Variants in PBX1 observed in about 807,000 individuals in gnomAD.
The protein encoded by PBX1 is PBX homeobox 1.
PBX1 carries 6 observed loss-of-function variants against 53.4 expected under a neutral mutation model. The ratio of observed to expected loss-of-function variants is 0.11; its 90% CI spans 0.06 to 0.22. PBX1 has a LOEUF of 0.22. Ranked by LOEUF, PBX1 falls within the 10% of genes least tolerant of loss-of-function variation. The probability of loss-of-function intolerance (pLI) is 1.00; values close to 1 mark genes in which losing one functional copy is unlikely to be tolerated. For missense variants in PBX1, 251 were observed against 551.4 expected (o/e 0.46, Z 5.46); for synonymous variants, 204 against 212.3 (o/e 0.96, Z 0.34).
At chr1:164,691,900 T>C (rs943532829) in intron 2 of PBX1, among the ~76,000 whole-genome samples, 1 of 152,152 alleles carries the variant, frequency 6.6e-6, no homozygotes, top group Non-Finnish European at 1.5e-5. Flanking sequence ...AGTCAAAGCA[T>C]AGTCAGAACT....
chr1:164,572,027 C>T (rs941114660), intron 2 of PBX1, among the ~76,000 whole-genome samples: 1 of 150,388 alleles, frequency 6.6e-6, no homozygotes, highest in Non-Finnish European at 1.5e-5. Flanking sequence ...CTGCCTCAGC[C>T]TCCTGAGTAG....
intron 2 of PBX1, among the ~76,000 whole-genome samples, chr1:164,861,222 G>A (rs143751248): frequency 4.1e-4 from 62 of 152,174 alleles, no homozygotes; most frequent in African/African-American, 1.5e-3. Flanking sequence ...GTCAAAAAAG[G>A]GGCACTGATA....
chr1:164,578,295 A>G (rs1218366854), intron 2 of PBX1, among the ~76,000 whole-genome samples: 3 of 152,222 alleles, frequency 2.0e-5, no homozygotes, highest in African/African-American at 7.2e-5. Context: ...ATATTTTTGA[A>G]TGCCCTATGT....
intron 2 of PBX1, chr1:164,700,321 C>A: frequency 3.1e-6 from 1 of 323,516 alleles, no homozygotes; most frequent in Non-Finnish European, 4.4e-6. Context: ...ACTCCCGTGG[C>A]TGTGTGAGAC....
intron 2 of PBX1, chr1:164,769,800 T>A (rs562419111): frequency 6.6e-6 from 1 of 152,322 alleles, no homozygotes; most frequent in African/African-American, 2.4e-5. Context: ...AAAAAGTCAG[T>A]GCTCATGTTG....
chr1:164,834,289 C>T (rs1194068126), intron 8 of PBX1, among the ~76,000 whole-genome samples: 1 of 151,572 alleles, frequency 6.6e-6, no homozygotes, highest in Admixed American at 6.6e-5. Flanking sequence ...TGTTCTTGAG[C>T]AGCTCTCTGT....
Position 164,704,839 on chromosome 1 carries a change from G to A in PBX1, c.266-87655G>A, listed in dbSNP as rs1663335994. On this transcript the variant is annotated intron_variant, in intron 2 of 8. Coordinates refer to ENST00000420696, the MANE Select transcript of PBX1 (RefSeq NM_002585.4). ...GCATTTCTCAGTGTGTGGGTATAAT[G>A]CAAGTACAAGTGTTAGGTTTTAAGA... Among the ~76,000 whole-genome samples, 3 of 152,162 alleles carry A rather than the reference G, an allele frequency of 2.0e-5. No homozygotes were observed. The South Asian group carries it at 6.2e-4, about 32-fold the overall frequency.
chr1:164,847,598 A>T lies in PBX1; in HGVS notation c.*922A>T. 9.4e-7 allele frequency: 1 copy of T among 1,062,688 alleles called. No individual in the cohort carries two copies. Among genetic ancestry groups the T allele is most frequent in the Non-Finnish European group, 1.1e-6 (1 of 877,636 alleles). 65.8% of individuals were successfully genotyped at this position (1,062,688 alleles called of 1,614,324 possible). ...AAAGTTCTTATCGTGAAACCCTTCAACCTCAACTATGCCTTCATAGACACA... is the reference window on the plus strand; with the variant it reads ...AAAGTTCTTATCGTGAAACCCTTCATCCTCAACTATGCCTTCATAGACACA... On this transcript the variant is annotated 3_prime_UTR_variant, in exon 9 of 9. Coordinates refer to ENST00000420696, the MANE Select transcript of PBX1 (RefSeq NM_002585.4).
chr1:164,844,522 G>C (rs933099942), intron 8 of PBX1, among the ~76,000 whole-genome samples: 4 of 152,198 alleles, frequency 2.6e-5, no homozygotes, highest in Non-Finnish European at 4.4e-5. Flanking sequence ...CATCAAAGCT[G>C]AATAATTTTC....
chr1:164,609,322 C>G (rs990966358), intron 2 of PBX1, among the ~76,000 whole-genome samples: 6 of 152,076 alleles, frequency 3.9e-5, no homozygotes, highest in African/African-American at 1.4e-4. Flanking sequence ...CACAGCTGTT[C>G]CCTGTAACCC....
intron 2 of PBX1, among the ~76,000 whole-genome samples, chr1:164,728,744 G>T (rs1401849627): frequency 1.3e-5 from 2 of 152,130 alleles, no homozygotes; most frequent in African/African-American, 2.4e-5. Flanking sequence ...CAGGGCCTCT[G>T]GTTTTTAACT....
intron 2 of PBX1, among the ~76,000 whole-genome samples, chr1:164,690,384 A>G (rs1245931450): frequency 1.3e-5 from 2 of 152,134 alleles, no homozygotes; most frequent in Non-Finnish European, 2.9e-5. Flanking sequence ...TGTCAGGCCT[A>G]CTCTGAAAAG....
At chr1:164,658,987 T>A (rs1023316992) in intron 2 of PBX1, among the ~76,000 whole-genome samples, 8 of 152,208 alleles carry the variant, frequency 5.3e-5, no homozygotes, top group African/African-American at 1.9e-4. Context: ...TCGTTGTCCA[T>A]TCCCATTGTC....
chr1:164,815,301 A>G (rs1437938123), intron 6 of PBX1: 4 of 152,220 alleles, frequency 2.6e-5, no homozygotes, highest in Non-Finnish European at 5.9e-5. Context: ...TCAGCGTTGA[A>G]ATTATATCAC....
intron 2 of PBX1, among the ~76,000 whole-genome samples, chr1:164,701,584 A>G (rs1663123937): frequency 1.3e-5 from 2 of 152,142 alleles, no homozygotes; most frequent in African/African-American, 4.8e-5. Context: ...TACTTACGTC[A>G]CTTATTAGAA....
intron 2 of PBX1, among the ~76,000 whole-genome samples, chr1:164,619,369 T>C (rs563229391): frequency 2.6e-5 from 4 of 152,238 alleles, no homozygotes; most frequent in African/African-American, 9.6e-5. Context: ...AATTGGAATC[T>C]GCCCCAAACT....
In PBX1 at chr1:164,712,772, C is replaced by T. The variant is rs564557937; in HGVS notation, c.266-79722C>T. 3.9e-5 allele frequency among the ~76,000 whole-genome samples: 6 copies of T among 152,256 alleles called. 1 individual carries two copies. Among genetic ancestry groups the T allele is most frequent in the African/African-American group, 1.2e-4 (5 of 41,546 alleles). ...TGTTTCCTGGCCTGGTGTGTGGGCC[C>T]GTTGCCTGTTCCGTTCAGCGTCTCC... On this transcript the variant is annotated intron_variant, in intron 2 of 8. Coordinates refer to ENST00000420696, the MANE Select transcript of PBX1 (RefSeq NM_002585.4).
At position 164,849,381 on chromosome 1, in the gene PBX1, A is replaced by G; in HGVS notation, c.*2705A>G. The G allele has an allele frequency of 1.3e-6, 2 of 1,535,594 alleles. No homozygotes were observed. The highest frequency in any genetic ancestry group is 1.7e-6 in the Non-Finnish European group (2 of 1,146,760). The stretch of plus-strand genomic sequence containing the variant: ...CCCGGCAAGCCCACTATCACTTCCG[A>G]CTTCCAACGTGGCATCCGTGAGATC... On this transcript the variant is annotated 3_prime_UTR_variant, in exon 9 of 9. Coordinates refer to ENST00000420696, the MANE Select transcript of PBX1 (RefSeq NM_002585.4).
Position 164,661,966 on chromosome 1 carries a change from T to A in PBX1, c.265+98655T>A, listed in dbSNP as rs139051710. 6.5e-3 allele frequency among the ~76,000 whole-genome samples: 997 copies of A among 152,312 alleles called. 44 individuals carry two copies. The highest frequency in any genetic ancestry group is 0.061 in the Admixed American group (934 of 15,306). ...CATCAATTGCCTAAATGTTTTCTTC[T>A]TGAGTACTTTCCAAATCCTAACAAA... On this transcript the variant is annotated intron_variant, in intron 2 of 8. Transcript: ENST00000420696.
Sources: gnomAD v4.1 joint callset for allele counts (sites outside exome capture counted in the v4.1 genomes callset) on GRCh38, gnomAD v4.1.1 for gene constraint, MANE v1.5 for transcripts, NCBI Gene and HGNC (gene_info 2026-07-23, HGNC 2026-07-21) for gene names.